RNPS1: variants seen among roughly 807,000 people sequenced by gnomAD.
RNPS1 encodes the protein RNA binding protein with serine rich domain 1, also known as RNA-binding protein with serine-rich domain 1.
For synonymous variants in RNPS1, 147 were observed against 150.0 expected, an observed-to-expected ratio of 0.98 and a Z score of 0.15; for missense variants, 300 against 427.6, an observed-to-expected ratio of 0.70 and a Z score of 2.63.
chr16:2,262,780 G>A lies in RNPS1; in HGVS notation c.482C>T (p.Thr161Ile). The change falls in exon 5 of 8, where the codon ACC (threonine) becomes ATC (isoleucine). Residue 161 changes from threonine (T) to isoleucine (I), a missense_variant. Physicochemically the swap from Thr to Ile is moderately conservative, Grantham distance 89. Transcript: ENST00000320225. ...RKRRSPSPKP[T>I]KVHIGRLTRN... ...GGTGAGTCTCCCAATGTGCACTTTG[G>A]TGGGCTTAGGAGATGGGCTCCGCCT... 2.5e-6 allele frequency: 4 copies of A among 1,613,552 alleles called. No homozygotes were observed. The highest frequency in any genetic ancestry group is 3.4e-6 in the Non-Finnish European group (4 of 1,180,018).
chr16:2,265,302 C>G (rs986535782), intron 1 of RNPS1: 27 of 152,110 alleles, frequency 1.8e-4, no homozygotes, highest in African/African-American at 5.8e-4. Context: ...ATCTAAAAAG[C>G]AGTAGAAGAA....
chr16:2,267,508 G>C (rs142499268), intron 1 of RNPS1: 43 of 1,008,994 alleles, frequency 4.3e-5, no homozygotes, highest in Non-Finnish European at 4.7e-5. Flanking sequence ...AATTGCACAC[G>C]GGAGTCCGGG....
rs780902021 is a variant in RNPS1 at position 2,262,337 on chromosome 16, G to A, written c.617C>T (p.Ala206Val). 11 of 1,613,916 alleles carry A rather than the reference G, an allele frequency of 6.8e-6. No homozygotes were observed. The highest frequency in any genetic ancestry group is 1.3e-5 in the African/African-American group (1 of 74,900). Residue 206 changes from alanine (A) to valine (V), a missense_variant, in exon 6 of 8, where the codon GCG (alanine) becomes GTG (valine). Ala to Val is a moderately conservative substitution (Grantham distance 64, BLOSUM62 0). Transcript: ENST00000320225. ...RMHPHLSKGY[A>V]YVEFENPDEA... ...ATCTGGATTCTCAAACTCTACGTAC[G>A]CATAGCCTTTGGACAGATGGGGATG...
intron 6 of RNPS1, among the ~76,000 whole-genome samples, chr16:2,260,617 G>A (rs529557078): frequency 6.6e-6 from 1 of 152,260 alleles, no homozygotes; most frequent in East Asian, 1.9e-4. Flanking sequence ...AACCTCAAGA[G>A]GAGAGGATTT....
chr16:2,257,072 T>C (rs1172606444), intron 6 of RNPS1: 4 of 152,224 alleles, frequency 2.6e-5, no homozygotes, highest in East Asian at 3.9e-4. Context: ...TGGCTCTGCA[T>C]GTAGATGGCA....
chr16:2,268,006 C>T, intron 1 of RNPS1, 49 bp downstream of exon 1: 1 of 1,533,580 alleles, frequency 6.5e-7, no homozygotes, highest in Non-Finnish European at 8.7e-7. Flanking sequence ...GCCGGGCCTG[C>T]CGGGCAGCCC....
At chr16:2,255,237 C>G (rs1002694215) in intron 7 of RNPS1, among the ~76,000 whole-genome samples, 1 of 152,222 alleles carries the variant, frequency 6.6e-6, no homozygotes, top group South Asian at 2.1e-4. Context: ...ACCCCCGCCC[C>G]ACAACTCTTC....
At chr16:2,254,740 CTT>C (rs11315814) in intron 7 of RNPS1, among the ~76,000 whole-genome samples, 242 of 103,558 alleles carry the variant, frequency 2.3e-3, no homozygotes, top group African/African-American at 5.5e-3. Context: ...AAAGTTTTAC[CTT>C]TTTTTTTTTT....
intron 1 of RNPS1, chr16:2,266,226 G>C: frequency 5.1e-6 from 5 of 985,462 alleles, no homozygotes; most frequent in Non-Finnish European, 6.0e-6. Context: ...TCTGACCCAA[G>C]AAAGAAAAGC....
rs757115788 is a variant in RNPS1 at position 2,262,336 on chromosome 16, C to T, written c.618G>A (p.Ala206=). ...CATCTGGATTCTCAAACTCTACGTA[C>T]GCATAGCCTTTGGACAGATGGGGAT... ...RMHPHLSKGY[A]YVEFENPDEA... Residue 206 remains alanine, a synonymous_variant, in exon 6 of 8, where the codon GCG becomes GCA. Coordinates refer to ENST00000320225, the MANE Select transcript of RNPS1 (RefSeq NM_080594.4). The T allele has an allele frequency of 7.8e-5, 126 of 1,613,960 alleles. No individual in the cohort carries two copies. Among genetic ancestry groups the T allele is most frequent in the South Asian group, 9.9e-5 (9 of 91,080 alleles).
intron 7 of RNPS1, 121 bp downstream of exon 7, chr16:2,255,464 T>G: frequency 8.2e-7 from 1 of 1,212,504 alleles, no homozygotes; most frequent in East Asian, 2.4e-5. Context: ...GAAGGGCTCC[T>G]GCTCTCTGCC....
chr16:2,263,114 C>T lies in RNPS1; in HGVS notation c.401G>A (p.Arg134Lys), dbSNP rs760818358. The T allele has an allele frequency of 5.0e-6, 8 of 1,612,892 alleles. No homozygotes were observed. The highest frequency in any genetic ancestry group is 6.8e-6 in the Non-Finnish European group (8 of 1,179,858). The change falls in exon 4 of 8, where the codon AGG becomes AAG. Residue 134 changes from arginine to lysine, a missense_variant. Physicochemically the swap from Arg to Lys is conservative, Grantham distance 26 (BLOSUM62 2). Transcript: ENST00000320225. Reference sequence around the variant, plus strand: ...CACTCACTTGGAGCGGGAGCGCCTCCTGTTGTCGTGTCTGCGCCGAGAAGG... The same window carrying T: ...CACTCACTTGGAGCGGGAGCGCCTCTTGTTGTCGTGTCTGCGCCGAGAAGG... Reference protein sequence around the residue: ...PSPSRRRHDNRRRSRSKSKPP... With the variant: ...PSPSRRRHDNKRRSRSKSKPP...
intron 5 of RNPS1, 38 bp downstream of exon 5, chr16:2,262,702 A>C: frequency 6.4e-7 from 1 of 1,560,156 alleles, no homozygotes; most frequent in Non-Finnish European, 8.8e-7. Flanking sequence ...CTGCTTGTCC[A>C]CACCCCACTG....
In RNPS1 at chr16:2,264,311, C is replaced by A. The variant is rs752430141; in HGVS notation, c.92G>T (p.Arg31Leu). The change falls in exon 3 of 8, where the codon CGC becomes CTC. Residue 31 changes from arginine (R) to leucine (L), a missense_variant. Arg to Leu is a moderately radical substitution (Grantham distance 102). Transcript: ENST00000320225. ...SSTRAPSPTK[R>L]KDRSDEKSKD... is the part of the protein sequence containing the mutation. ...GGACTTCTCATCTGAGCGGTCTTTG[C>A]GTTTGGTAGGTGAAGGAGCCCTGGA... 2.5e-6 allele frequency: 4 copies of A among 1,614,008 alleles called. No individual in the cohort carries two copies. The highest frequency in any genetic ancestry group is 1.1e-5 in the South Asian group (1 of 91,090).
At chr16:2,259,049 G>T (rs1376162588) in intron 6 of RNPS1, among the ~76,000 whole-genome samples, 1 of 151,666 alleles carries the variant, frequency 6.6e-6, no homozygotes, top group African/African-American at 2.4e-5. Context: ...CTTGAACCCA[G>T]GAGGCGGAGG....
At chr16:2,254,702 A>G (rs952402223) in intron 7 of RNPS1, among the ~76,000 whole-genome samples, 4 of 146,822 alleles carry the variant, frequency 2.7e-5, no homozygotes, top group African/African-American at 7.5e-5. Context: ...AAGTGCTGGG[A>G]TTACAGGCGA....
At chr16:2,258,320 T>A (rs2093587600) in intron 6 of RNPS1, 1 of 152,264 alleles carries the variant, frequency 6.6e-6, no homozygotes. Context: ...AAAATGTTAA[T>A]CTACGCATAT....
At position 2,263,216 on chromosome 16, in the gene RNPS1, G is replaced by C. The variant is rs903335349; in HGVS notation, c.299C>G (p.Ser100Cys). ...STGSSSGSSS[S>C]SASSRSGSSS... ...GCTTCCTGAGCGGCTGGATGCTGAG[G>C]AAGAGCTGGAGCCACTGCTTGAGCC... Residue 100 changes from serine (S) to cysteine (C), a missense_variant, in exon 4 of 8, where the codon TCC becomes TGC. Ser to Cys is a moderately radical substitution (Grantham distance 112). Transcript: ENST00000320225. 5 of 1,613,508 alleles carry C rather than the reference G, an allele frequency of 3.1e-6. No homozygotes were observed. The highest frequency in any genetic ancestry group is 3.4e-6 in the Non-Finnish European group (4 of 1,179,828).
intron 7 of RNPS1, among the ~76,000 whole-genome samples, chr16:2,255,097 G>A (rs560690287): frequency 1.3e-5 from 2 of 152,198 alleles, no homozygotes; most frequent in African/African-American, 4.8e-5. Context: ...CCTGCCCTGA[G>A]CTCTTGGGAA....
Sources: gnomAD v4.1 joint callset for allele counts (sites outside exome capture counted in the v4.1 genomes callset) on GRCh38, gnomAD v4.1.1 for gene constraint, MANE v1.5 for transcripts, NCBI Gene and HGNC (gene_info 2026-07-23, HGNC 2026-07-21) for gene names.